THSD7B: variants seen among roughly 807,000 people sequenced by gnomAD.
THSD7B encodes the protein thrombospondin type 1 domain containing 7B.
Under a neutral mutation model 213.6 loss-of-function variants are expected in THSD7B, and 138 were observed. That is an observed-to-expected ratio of 0.65 (90% CI 0.56 to 0.74). THSD7B has a LOEUF of 0.74. Ranked by LOEUF, THSD7B falls within the 30% of genes least tolerant of loss-of-function variation. THSD7B has a pLI of 0.00. For missense variants in THSD7B, 1,931 were observed against 1,991.5 expected (o/e 0.97, Z 0.58); for synonymous variants, 742 against 687.0 (o/e 1.08, Z -1.25).
intron 8 of THSD7B, among the ~76,000 whole-genome samples, chr2:137,232,143 C>T (rs16838412): frequency 6.6e-6 from 1 of 152,018 alleles, no homozygotes. Context: ...CTGAATAAAC[C>T]ATTAAAGTGT....
intron 21 of THSD7B, among the ~76,000 whole-genome samples, chr2:137,643,937 T>C (rs184057635): frequency 2.7e-4 from 41 of 152,306 alleles, no homozygotes; most frequent in Non-Finnish European, 5.3e-4. Flanking sequence ...ATATCTTTGA[T>C]AGGCAAGTCT....
At chr2:137,648,040 T>G (rs1250316266) in intron 21 of THSD7B, among the ~76,000 whole-genome samples, 3 of 152,208 alleles carry the variant, frequency 2.0e-5, no homozygotes, top group African/African-American at 7.2e-5. Flanking sequence ...CTGACTAAAA[T>G]CGAAGATACT....
At chr2:137,034,954 C>T (rs573203650) in intron 2 of THSD7B, among the ~76,000 whole-genome samples, 1 of 152,258 alleles carries the variant, frequency 6.6e-6, no homozygotes, top group East Asian at 1.9e-4. Flanking sequence ...GGTACATACC[C>T]AGTAATGGGA....
At position 137,115,265 on chromosome 2, in the gene THSD7B, A is replaced by C; in HGVS notation, c.1341A>C (p.Pro447=). ...TREVYCAQSV[P]AAAALRAKEV... ...AGGTGTACTGTGCCCAGAGCGTACCAGCAGCTGCCGCACTGAGGGCCAAGG... is the reference window on the plus strand; with the variant it reads ...AGGTGTACTGTGCCCAGAGCGTACCCGCAGCTGCCGCACTGAGGGCCAAGG... The change falls in exon 5 of 28, where the codon CCA becomes CCC. Residue 447 remains proline (P), a synonymous_variant. Coordinates refer to ENST00000409968, the MANE Select transcript of THSD7B (RefSeq NM_001316349.2). The C allele has an allele frequency of 6.3e-7, 1 of 1,599,216 alleles. No individual in the cohort carries two copies. The highest frequency in any genetic ancestry group is 8.5e-7 in the Non-Finnish European group (1 of 1,173,296).
rs1344098402 is a variant in THSD7B, at chr2:137,177,494, T to G, written c.1723+6556T>G. ...TATCTTGTTTCTTCTAGATCAGTGGTTCTAAAACTAGTAGGCATCAGAATC... is the reference window on the plus strand; with the variant it reads ...TATCTTGTTTCTTCTAGATCAGTGGGTCTAAAACTAGTAGGCATCAGAATC... On this transcript the variant is annotated intron_variant, in intron 7 of 27. Coordinates refer to ENST00000409968, the MANE Select transcript of THSD7B (RefSeq NM_001316349.2). Among the ~76,000 whole-genome samples the G allele has an allele frequency of 2.0e-5, 3 of 152,174 alleles. No homozygotes were observed. In the East Asian group the frequency reaches 5.8e-4, roughly 29 times the overall value.
At chr2:137,528,468 A>C (rs1680320809) in intron 15 of THSD7B, among the ~76,000 whole-genome samples, 1 of 152,144 alleles carries the variant, frequency 6.6e-6, no homozygotes, top group Non-Finnish European at 1.5e-5. Flanking sequence ...AACTGCTGGA[A>C]TATTGTAAAT....
At chr2:137,622,671 C>G (rs1682542946) in intron 20 of THSD7B, among the ~76,000 whole-genome samples, 1 of 152,136 alleles carries the variant, frequency 6.6e-6, no homozygotes, top group Admixed American at 6.6e-5. Context: ...CACAGAAATA[C>G]AAACTACCAT....
chr2:137,131,762 A>G (rs1460591033), intron 5 of THSD7B, among the ~76,000 whole-genome samples: 1 of 152,206 alleles, frequency 6.6e-6, no homozygotes, highest in Non-Finnish European at 1.5e-5. Context: ...TACCAGTACC[A>G]TGCTGTTTTG....
chr2:137,645,550 T>C (rs1573763001), intron 21 of THSD7B, among the ~76,000 whole-genome samples: 1 of 152,196 alleles, frequency 6.6e-6, no homozygotes, highest in Non-Finnish European at 1.5e-5. Flanking sequence ...GCGATTAAGG[T>C]TGAATATGGA....
intron 1 of THSD7B, among the ~76,000 whole-genome samples, chr2:136,829,007 T>C (rs773951981): frequency 1.3e-5 from 2 of 152,188 alleles, no homozygotes; most frequent in Admixed American, 6.5e-5. Context: ...ATGAACTCTT[T>C]GTTAGTTATT....
chr2:137,575,156 G>A (rs1031596973), intron 17 of THSD7B, among the ~76,000 whole-genome samples: 23 of 152,010 alleles, frequency 1.5e-4, no homozygotes, highest in African/African-American at 5.6e-4. Context: ...TTCTTACTGG[G>A]AAGTGAGGAC....
At chr2:137,673,758 T>G (rs1683632563) in intron 27 of THSD7B, among the ~76,000 whole-genome samples, 1 of 152,314 alleles carries the variant, frequency 6.6e-6, no homozygotes, top group African/African-American at 2.4e-5. Flanking sequence ...GGCAAAGTAC[T>G]ACCATGTTCA....
intron 15 of THSD7B, among the ~76,000 whole-genome samples, chr2:137,510,003 A>G (rs575033323): frequency 6.6e-6 from 1 of 151,874 alleles, no homozygotes; most frequent in South Asian, 2.1e-4. Context: ...TTTTCAACCT[A>G]TTTATGTCTT....
At chr2:136,810,335 C>T (rs1332886303) in intron 1 of THSD7B, among the ~76,000 whole-genome samples, 1 of 152,138 alleles carries the variant, frequency 6.6e-6, no homozygotes, top group Non-Finnish European at 1.5e-5. Context: ...GGCTCCTCTC[C>T]ATGAGCAGAT....
At chr2:137,587,337 G>A (rs1038227206) in intron 17 of THSD7B, among the ~76,000 whole-genome samples, 12 of 152,280 alleles carry the variant, frequency 7.9e-5, no homozygotes, top group East Asian at 1.9e-4. Context: ...CTGTCAACTC[G>A]TCAAAGTTAT....
At chr2:137,218,269 T>A (rs1681291837) in intron 7 of THSD7B, among the ~76,000 whole-genome samples, 1 of 152,146 alleles carries the variant, frequency 6.6e-6, no homozygotes, top group African/African-American at 2.4e-5. Context: ...GCACACAACT[T>A]GACTTAAATG....
intron 18 of THSD7B, 37 bp from the exon 19 acceptor site, chr2:137,618,355 A>G (rs1461085069): frequency 1.3e-6 from 2 of 1,583,992 alleles, no homozygotes; most frequent in Non-Finnish European, 1.7e-6. Context: ...CATGGCCATA[A>G]TTTTGAAACT....
chr2:137,645,012 T>C (rs1361923397), intron 21 of THSD7B, among the ~76,000 whole-genome samples: 3 of 152,142 alleles, frequency 2.0e-5, no homozygotes, highest in Non-Finnish European at 4.4e-5. Flanking sequence ...TAAATCTGCT[T>C]GAGGAGCTCA....
chr2:137,108,106 G>T (rs539348172), intron 4 of THSD7B, among the ~76,000 whole-genome samples: 1 of 152,264 alleles, frequency 6.6e-6, no homozygotes, highest in African/African-American at 2.4e-5. Flanking sequence ...AAGAATGTTT[G>T]CAAATCTATA....
Sources: allele counts gnomAD v4.1 joint callset (sites outside exome capture counted in the v4.1 genomes callset), GRCh38; gene constraint gnomAD v4.1.1; transcripts MANE v1.5; gene names NCBI Gene and HGNC (gene_info 2026-07-23, HGNC 2026-07-21).